Variants in GSE1 observed in about 807,000 individuals in gnomAD.
GSE1 encodes Gse1 coiled-coil protein, also known as genetic suppressor element 1.
Under a neutral mutation model 112.6 loss-of-function variants are expected in GSE1, and 32 were observed. The observed-to-expected ratio is 0.28, with a 90% confidence interval of 0.21 to 0.38. GSE1 has a LOEUF of 0.38. Ranked by LOEUF, GSE1 falls within the 10% of genes least tolerant of loss-of-function variation. GSE1 has a pLI of 1.00. For synonymous variants in GSE1, 1,115 were observed against 735.6 expected, an observed-to-expected ratio of 1.52 and a Z score of -8.35; for missense variants, 2,348 against 1,699.2, an observed-to-expected ratio of 1.38 and a Z score of -6.71.
intron 2 of GSE1, among the ~76,000 whole-genome samples, chr16:85,543,820 G>T (rs1024711193): frequency 1.3e-5 from 2 of 149,672 alleles, no homozygotes; most frequent in African/African-American, 5.1e-5. Context: ...CTCCTTGGGG[G>T]ACAGTTGGCC....
chr16:85,231,213 A>T (rs1026106805), intron 1 of GSE1, among the ~76,000 whole-genome samples: 2 of 147,168 alleles, frequency 1.4e-5, no homozygotes, highest in African/African-American at 5.1e-5. Context: ...GGACAGAAGG[A>T]TAGATGGATG....
intron 1 of GSE1, among the ~76,000 whole-genome samples, chr16:85,316,358 C>G (rs1369568268): frequency 6.6e-6 from 1 of 152,212 alleles, no homozygotes; most frequent in Non-Finnish European, 1.5e-5. Context: ...TCCGGTGTGT[C>G]TGCTTATAGC....
intron 1 of GSE1, among the ~76,000 whole-genome samples, chr16:85,230,694 G>A (rs1904276612): frequency 6.6e-6 from 1 of 152,236 alleles, no homozygotes; most frequent in Admixed American, 6.5e-5. Flanking sequence ...ATTATGACTG[G>A]CCTACCCCGG....
At chr16:85,417,726 C>T (rs1033596939) in intron 2 of GSE1, among the ~76,000 whole-genome samples, 10 of 152,264 alleles carry the variant, frequency 6.6e-5, no homozygotes, top group Admixed American at 6.5e-4. Flanking sequence ...CAGAGGATCT[C>T]AGTGTCCCAG....
At chr16:85,555,841 A>C (rs1487456979), upstream of GSE1, 4 of 918,374 alleles carry the variant, frequency 4.4e-6, no homozygotes, top group Non-Finnish European at 3.9e-6. Flanking sequence ...TTTTCCTTTC[A>C]AATGAGTAAT....
intron 1 of GSE1, among the ~76,000 whole-genome samples, chr16:85,331,445 ATATATGTATATATATG>A: frequency 1.4e-5 from 2 of 143,898 alleles, no homozygotes; most frequent in Non-Finnish European, 3.0e-5. Context: ...ATATATGCGT[ATATATGTATATATATG>A]TGTGTATATA....
intron 1 of GSE1, among the ~76,000 whole-genome samples, chr16:85,237,413 C>A (rs372848562): frequency 8.5e-5 from 13 of 152,240 alleles, no homozygotes; most frequent in African/African-American, 3.1e-4. Context: ...GCACGGTGCC[C>A]GCTGCAGGGG....
chr16:85,616,349 C>T lies in GSE1; in HGVS notation c.7+2951C>T, dbSNP rs895112192. 2.6e-5 allele frequency among the ~76,000 whole-genome samples: 4 copies of T among 152,230 alleles called. No individual in the cohort carries two copies. The South Asian group carries it at 8.3e-4, about 31-fold the overall frequency. On this transcript the variant is annotated intron_variant, in intron 1 of 15. Transcript: ENST00000253458. ...GAGTGCGGATAAGCTAGAGGGCTGGCTGCTACCTTTTCCCTGCCTCCAGGA... is the reference window on the plus strand; with the variant it reads ...GAGTGCGGATAAGCTAGAGGGCTGGTTGCTACCTTTTCCCTGCCTCCAGGA...
chr16:85,643,321 G>T (rs986167183), intron 2 of GSE1, among the ~76,000 whole-genome samples: 13 of 152,172 alleles, frequency 8.5e-5, no homozygotes, highest in Middle Eastern at 3.4e-3. Context: ...AGGGTTCGAG[G>T]GCCAGGTGCC....
chr16:85,608,580 G>A (rs1373858746), upstream of GSE1, among the ~76,000 whole-genome samples: 1 of 152,222 alleles, frequency 6.6e-6, no homozygotes, highest in Non-Finnish European at 1.5e-5. Context: ...ATGGCAGGTG[G>A]TTACCGAGAA....
chr16:85,478,926 TCTC>T (rs1567520923), intron 2 of GSE1, among the ~76,000 whole-genome samples: 6 of 40,044 alleles, frequency 1.5e-4, no homozygotes, highest in Non-Finnish European at 2.2e-4. Flanking sequence ...TTTCTTTCTT[TCTC>T]TTTCTTTCTT....
chr16:85,312,212 G>T (rs1038994851), intron 1 of GSE1, among the ~76,000 whole-genome samples: 1 of 151,698 alleles, frequency 6.6e-6, no homozygotes, highest in Non-Finnish European at 1.5e-5. Flanking sequence ...TGCGGGGGGG[G>T]GGGGGACACA....
chr16:85,246,489 ACACT>A (rs1276140185), intron 1 of GSE1, among the ~76,000 whole-genome samples: 2 of 57,024 alleles, frequency 3.5e-5, no homozygotes, highest in East Asian at 8.3e-4. Context: ...ACACACACAC[ACACT>A]CTACACACCC....
At chr16:85,533,022 C>G (rs986398185) in intron 2 of GSE1, among the ~76,000 whole-genome samples, 3 of 152,228 alleles carry the variant, frequency 2.0e-5, no homozygotes, top group Non-Finnish European at 4.4e-5. Flanking sequence ...TCGGCCGCTG[C>G]CTGTCAACAG....
intron 1 of GSE1, among the ~76,000 whole-genome samples, chr16:85,245,935 G>C (rs929233868): frequency 6.6e-6 from 1 of 150,830 alleles, no homozygotes; most frequent in East Asian, 1.9e-4. Context: ...AGGTGTCTGC[G>C]TGTGTTAGTT....
chr16:85,369,117 G>C (rs2047243544), intron 2 of GSE1, among the ~76,000 whole-genome samples: 1 of 152,208 alleles, frequency 6.6e-6, no homozygotes, highest in African/African-American at 2.4e-5. Context: ...CGAGGTGTGG[G>C]CAGGACTGGC....
At chr16:85,332,086 G>T (rs986360243) in intron 1 of GSE1, among the ~76,000 whole-genome samples, 1 of 152,140 alleles carries the variant, frequency 6.6e-6, no homozygotes, top group Non-Finnish European at 1.5e-5. Context: ...GACTGCCCCA[G>T]GTCTGAAGTG....
At chr16:85,255,123 C>A (rs1259955959) in intron 1 of GSE1, among the ~76,000 whole-genome samples, 1 of 152,236 alleles carries the variant, frequency 6.6e-6, no homozygotes, top group African/African-American at 2.4e-5. Context: ...GCTTCCGGCT[C>A]CCCGAGGGGC....
At chr16:85,666,723 C>A in intron 13 of GSE1, 1 of 245,334 alleles carries the variant, frequency 4.1e-6, no homozygotes, top group Non-Finnish European at 8.0e-6. Flanking sequence ...TTGAAAGAAT[C>A]ATGTTTTTCA....
Sources: allele counts gnomAD v4.1 joint callset (sites outside exome capture counted in the v4.1 genomes callset), GRCh38; gene constraint gnomAD v4.1.1; transcripts MANE v1.5; gene names NCBI Gene and HGNC (gene_info 2026-07-23, HGNC 2026-07-21).